Variants in LRRK2 observed in about 807,000 individuals in gnomAD.
LRRK2 encodes the protein leucine rich repeat kinase 2.
LRRK2 carries 203 observed loss-of-function variants against 302.6 expected under a neutral mutation model. The ratio of observed to expected loss-of-function variants is 0.67; its 90% CI spans 0.60 to 0.75. LRRK2 has a LOEUF of 0.75. Among genes scored for constraint, LRRK2 ranks in the 30% least tolerant of loss-of-function variants. LRRK2 has a pLI of 0.00. For missense variants in LRRK2, 2,830 were observed against 2,951.0 expected (o/e 0.96, Z 0.95); for synonymous variants, 1,066 against 1,031.9 (o/e 1.03, Z -0.63).
chr12:40,291,248 G>A (rs1944138692), intron 20 of LRRK2, among the ~76,000 whole-genome samples: 1 of 151,400 alleles, frequency 6.6e-6, no homozygotes, highest in African/African-American at 2.4e-5. Context: ...TTGGACACAG[G>A]AAGGGGAACA....
chr12:40,323,467 T>C (rs1945458602), intron 38 of LRRK2, among the ~76,000 whole-genome samples, 161 bp downstream of exon 38: 1 of 152,126 alleles, frequency 6.6e-6, no homozygotes, highest in African/African-American at 2.4e-5. Context: ...GAATATAATA[T>C]TACAGATCTG....
At position 40,314,095 on chromosome 12, in the gene LRRK2, T is replaced by G. The variant is rs1407536182; in HGVS notation, c.4660T>G (p.Leu1554Val). The change falls in exon 32 of 51, where the codon TTA becomes GTA. Residue 1554 changes from leucine (L) to valine (V), a missense_variant. Physicochemically the swap from Leu to Val is conservative, Grantham distance 32 (BLOSUM62 1). This residue lies in a region of LRRK2 where 2,121 missense variants were observed against 2,148.0 expected (regional missense o/e 0.99). Transcript: ENST00000298910. ...TCCCGTAATTGACCGGAAACGATTA[T>G]TACAACTAGTGAGAGAAAATCAGCT... The part of the protein sequence containing the change: ...EFPVIDRKRL[L>V]QLVRENQLQL... The G allele has an allele frequency of 6.2e-7, 1 of 1,612,840 alleles. No homozygotes were observed. Among genetic ancestry groups the G allele is most frequent in the Non-Finnish European group, 8.5e-7 (1 of 1,179,092 alleles).
intron 14 of LRRK2, among the ~76,000 whole-genome samples, chr12:40,267,189 G>A (rs1943055248): frequency 6.6e-6 from 1 of 152,126 alleles, no homozygotes; most frequent in African/African-American, 2.4e-5. Flanking sequence ...AGATAGCTTT[G>A]CTTAAATGAG....
chr12:40,242,807 A>AAAAAAAAAAAAACAAAAC (rs1941792904), intron 6 of LRRK2, among the ~76,000 whole-genome samples: 1 of 106,284 alleles, frequency 9.4e-6, no homozygotes, highest in South Asian at 3.2e-4. Flanking sequence ...TCCACATCAA[A>AAAAAAAAAAAAACAAAAC]AAAAAAAAAA....
chr12:40,255,844 A>G (rs1363718492), intron 11 of LRRK2, among the ~76,000 whole-genome samples: 2 of 152,180 alleles, frequency 1.3e-5, no homozygotes, highest in African/African-American at 4.8e-5. Flanking sequence ...TCTTTATTGT[A>G]TCTTAATATG....
chr12:40,242,677 GA>G (rs926950504), intron 6 of LRRK2, among the ~76,000 whole-genome samples: 12 of 146,198 alleles, frequency 8.2e-5, no homozygotes, highest in South Asian at 2.2e-4. Context: ...TTTGGTTGGG[GA>G]AAAAAAAACA....
At chr12:40,321,498 A>G (rs1474214660) in intron 35 of LRRK2, among the ~76,000 whole-genome samples, 1 of 108,402 alleles carries the variant, frequency 9.2e-6, no homozygotes, top group Non-Finnish European at 2.0e-5. Flanking sequence ...CACAGCCACT[A>G]AGACATTTAC....
At chr12:40,306,011 AT>A (rs1592262392) in intron 28 of LRRK2, 45 bp downstream of exon 28, 1 of 1,430,498 alleles carries the variant, frequency 7.0e-7, no homozygotes, top group African/African-American at 1.4e-5. Flanking sequence ...TTTATTTCAG[AT>A]TTTCTACTCT....
intron 33 of LRRK2, among the ~76,000 whole-genome samples, chr12:40,318,220 A>G (rs1945285816): frequency 6.6e-6 from 1 of 152,062 alleles, no homozygotes; most frequent in African/African-American, 2.4e-5. Context: ...AACCTAGCTC[A>G]GATTAAAGGG....
intron 7 of LRRK2, among the ~76,000 whole-genome samples, chr12:40,245,898 A>G (rs1941957552): frequency 6.6e-6 from 1 of 152,054 alleles, no homozygotes; most frequent in Non-Finnish European, 1.5e-5. Context: ...TTTGTAAATA[A>G]TGACAGTCTG....
chr12:40,262,325 A>ATAT (rs1361044402), intron 13 of LRRK2, among the ~76,000 whole-genome samples: 2 of 151,970 alleles, frequency 1.3e-5, no homozygotes, highest in Non-Finnish European at 2.9e-5. Context: ...CATGAGGCAG[A>ATAT]TATTATTATT....
At chr12:40,322,644 C>A in intron 37 of LRRK2, 134 bp downstream of exon 37, 3 of 744,402 alleles carry the variant, frequency 4.0e-6, no homozygotes, top group Non-Finnish European at 4.4e-6. Context: ...AGGGACAGTT[C>A]AGAAAACTGA....
At chr12:40,309,406 C>CCGAGTA (rs1944960343) in intron 30 of LRRK2, among the ~76,000 whole-genome samples, 173 bp downstream of exon 30, 1 of 152,010 alleles carries the variant, frequency 6.6e-6, no homozygotes, top group Non-Finnish European at 1.5e-5. Context: ...GTAATGAAGT[C>CCGAGTA]ATAACATGAA....
At chr12:40,244,073 A>C (rs1434990797) in intron 7 of LRRK2, among the ~76,000 whole-genome samples, 1 of 152,166 alleles carries the variant, frequency 6.6e-6, no homozygotes, top group African/African-American at 2.4e-5. Flanking sequence ...CAAATAACTC[A>C]CTATCCAACT....
At chr12:40,268,220 A>T (rs2136567910) in intron 14 of LRRK2, among the ~76,000 whole-genome samples, 1 of 152,322 alleles carries the variant, frequency 6.6e-6, no homozygotes, top group Non-Finnish European at 1.5e-5. Context: ...TTTTGGCCGC[A>T]TCTGTGTTTT....
chr12:40,271,924 A>G (rs1486138459), intron 14 of LRRK2, among the ~76,000 whole-genome samples: 1 of 152,178 alleles, frequency 6.6e-6, no homozygotes, highest in Non-Finnish European at 1.5e-5. Context: ...TAAAAGGACC[A>G]GTAATGAGTA....
At chr12:40,351,387 T>C in intron 43 of LRRK2, 152 bp from the exon 44 acceptor site, 1 of 654,254 alleles carries the variant, frequency 1.5e-6, no homozygotes, top group East Asian at 2.7e-5. Flanking sequence ...ATTTGTAGTT[T>C]AGATTACTAA....
At chr12:40,235,581 A>T in intron 3 of LRRK2, 45 bp from the exon 4 acceptor site, 1 of 1,304,016 alleles carries the variant, frequency 7.7e-7, no homozygotes, top group South Asian at 1.2e-5. Flanking sequence ...CAAACTTTTG[A>T]GTATGATATT....
chr12:40,265,112 T>A (rs1205706861), intron 14 of LRRK2, among the ~76,000 whole-genome samples: 3 of 152,222 alleles, frequency 2.0e-5, no homozygotes, highest in Admixed American at 6.5e-5. Context: ...GCCTATAATA[T>A]GTTTGAGTCA....
Sources: allele counts gnomAD v4.1 joint callset (sites outside exome capture counted in the v4.1 genomes callset), GRCh38; gene constraint gnomAD v4.1.1; regional missense constraint gnomAD v4.1.1; transcripts MANE v1.5; gene names NCBI Gene and HGNC (gene_info 2026-07-23, HGNC 2026-07-21).